TASP1: variants seen among roughly 807,000 people sequenced by gnomAD.
TASP1 encodes the protein threonine aspartase 1.
Under a neutral mutation model 56.6 loss-of-function variants are expected in TASP1, and 16 were observed. The observed-to-expected ratio is 0.28, with a 90% CI of 0.19 to 0.43. The LOEUF (loss-of-function observed/expected upper bound fraction) is 0.43. Ranked by LOEUF, TASP1 falls within the 20% of genes least tolerant of loss-of-function variation. The pLI is 1.00. For missense variants in TASP1, 393 were observed against 511.6 expected (o/e 0.77, Z 2.24); for synonymous variants, 179 against 184.2 (o/e 0.97, Z 0.23).
intron 6 of TASP1, among the ~76,000 whole-genome samples, chr20:13,573,219 T>C (rs575309806): frequency 2.3e-4 from 35 of 152,348 alleles, no homozygotes; most frequent in African/African-American, 7.7e-4. Flanking sequence ...TGTTCTAACA[T>C]ATACAACTGT....
At chr20:13,192,685 C>A in the TASP1 span, among the ~76,000 whole-genome samples, 370 of 152,112 alleles carry the variant, frequency 2.4e-3, no homozygotes, top group Non-Finnish European at 3.9e-3. Flanking sequence ...AGGCACGCAC[C>A]ACCACGCTTG....
chr20:13,332,148 T>C, the TASP1 span, among the ~76,000 whole-genome samples: 1 of 152,178 alleles, frequency 6.6e-6, no homozygotes, highest in East Asian at 1.9e-4. Flanking sequence ...CTTTGTGGTT[T>C]TGGAAATAGA....
chr20:13,596,516 G>A (rs747099750), intron 4 of TASP1, among the ~76,000 whole-genome samples: 13 of 152,060 alleles, frequency 8.5e-5, no homozygotes, highest in Non-Finnish European at 1.5e-4. Context: ...AGAATCTCTG[G>A]GACACATTTA....
rs972801507 is a variant in TASP1, at chr20:13,557,572, GTTTT to G, written c.675+1432_675+1435del. Among the ~76,000 whole-genome samples, 22 of 99,762 alleles carry G rather than the reference GTTTT, an allele frequency of 2.2e-4. 1 individual carries two copies. Among genetic ancestry groups the G allele is most frequent in the South Asian group, 1.3e-3 (4 of 3,120 alleles). 65.4% of individuals were successfully genotyped at this position (99,762 alleles called of 152,430 possible). On this transcript the variant is annotated intron_variant, in intron 8 of 13. Transcript: ENST00000337743. The stretch of plus-strand genomic sequence containing the variant: ...TGCAAATTTTATTACGATGTTTTTG[GTTTT>G]TTTTTTTTTTTTTTTTTTTTTTGAG...
intron 4 of TASP1, among the ~76,000 whole-genome samples, chr20:13,620,265 T>TACACAC (rs757563847): frequency 0.012 from 1,697 of 145,718 alleles, 11 homozygotes; most frequent in Middle Eastern, 0.031. Context: ...CTGTGGTATT[T>TACACAC]ACACACACAC....
chr20:13,541,176 C>A (rs573823974), intron 8 of TASP1, among the ~76,000 whole-genome samples: 11 of 152,012 alleles, frequency 7.2e-5, no homozygotes, highest in African/African-American at 2.4e-4. Context: ...AAACAAGAAT[C>A]CTGATCTCCA....
the TASP1 span, among the ~76,000 whole-genome samples, chr20:13,182,290 C>A: frequency 1.3e-5 from 2 of 152,086 alleles, no homozygotes; most frequent in Admixed American, 1.3e-4. Flanking sequence ...GTAATTTCAC[C>A]ATTCTCCAGG....
intron 6 of TASP1, among the ~76,000 whole-genome samples, chr20:13,569,989 T>C (rs1291631393): frequency 6.6e-6 from 1 of 152,082 alleles, no homozygotes; most frequent in Admixed American, 6.5e-5. Flanking sequence ...CATTATTACC[T>C]AGCAGAATAC....
chr20:13,192,381 T>C, the TASP1 span, among the ~76,000 whole-genome samples: 1 of 152,024 alleles, frequency 6.6e-6, no homozygotes, highest in Non-Finnish European at 1.5e-5. Context: ...AAAAGTGTTT[T>C]TAAAAAACAT....
At chr20:13,123,488 C>A in the TASP1 span, among the ~76,000 whole-genome samples, 1 of 152,130 alleles carries the variant, frequency 6.6e-6, no homozygotes. Flanking sequence ...CCAACTAAGG[C>A]ACAGAGAGAT....
the TASP1 span, among the ~76,000 whole-genome samples, chr20:13,242,264 T>G: frequency 6.6e-6 from 1 of 152,170 alleles, no homozygotes; most frequent in Admixed American, 6.5e-5. Flanking sequence ...TAAAGAAGAC[T>G]AAGCCAGAAG....
At chr20:13,214,078 A>T in the TASP1 span, among the ~76,000 whole-genome samples, 1 of 152,210 alleles carries the variant, frequency 6.6e-6, no homozygotes, top group South Asian at 2.1e-4. Context: ...TGTAAAGAAT[A>T]TTATAGGGAC....
At chr20:13,180,469 G>T in the TASP1 span, among the ~76,000 whole-genome samples, 3 of 152,198 alleles carry the variant, frequency 2.0e-5, no homozygotes, top group South Asian at 6.2e-4. Flanking sequence ...AAAATTAAGG[G>T]CAAAATACTG....
At chr20:13,399,303 C>T (rs1389245276) in intron 13 of TASP1, among the ~76,000 whole-genome samples, 1 of 152,196 alleles carries the variant, frequency 6.6e-6, no homozygotes, top group Non-Finnish European at 1.5e-5. Flanking sequence ...TGCTGAGATT[C>T]CCTAATATGT....
At chr20:13,377,372 C>T in the TASP1 span, among the ~76,000 whole-genome samples, 13 of 152,106 alleles carry the variant, frequency 8.5e-5, no homozygotes, top group African/African-American at 3.1e-4. Flanking sequence ...TGATGGATTA[C>T]GTTTATTGAT....
chr20:13,154,515 G>T, the TASP1 span, among the ~76,000 whole-genome samples: 1 of 152,236 alleles, frequency 6.6e-6, no homozygotes, highest in Admixed American at 6.5e-5. Context: ...ATGTGATCAG[G>T]CTCTGTGCTT....
the TASP1 span, among the ~76,000 whole-genome samples, chr20:13,382,344 T>C: frequency 1.3e-5 from 2 of 152,190 alleles, no homozygotes; most frequent in East Asian, 3.9e-4. Context: ...ATCCCCAAAC[T>C]ATCTTCTAAA....
intron 10 of TASP1, among the ~76,000 whole-genome samples, chr20:13,498,972 C>T (rs2043842145): frequency 6.6e-6 from 1 of 151,790 alleles, no homozygotes; most frequent in African/African-American, 2.4e-5. Context: ...AAGTATATAC[C>T]CAAAGGAAAA....
At chr20:13,436,716 T>C (rs2043018292) in intron 11 of TASP1, among the ~76,000 whole-genome samples, 1 of 152,018 alleles carries the variant, frequency 6.6e-6, no homozygotes, top group Non-Finnish European at 1.5e-5. Context: ...CAAGCTGATA[T>C]CCTCCAAGAA....
Sources: allele counts gnomAD v4.1 joint callset (sites outside exome capture counted in the v4.1 genomes callset), GRCh38; gene constraint gnomAD v4.1.1; transcripts MANE v1.5; gene names NCBI Gene and HGNC (gene_info 2026-07-23, HGNC 2026-07-21).